Variants in PIWIL3 observed in about 807,000 individuals in gnomAD.
PIWIL3 encodes the protein piwi like RNA-mediated gene silencing 3, also known as piwi-like protein 3.
A neutral mutation model predicts 109.7 loss-of-function variants in PIWIL3; 101 were observed. The ratio of observed to expected loss-of-function variants is 0.92; its 90% CI spans 0.78 to 1.09. The LOEUF (loss-of-function observed/expected upper bound fraction) is 1.09. PIWIL3 is among the 50% of genes least tolerant of loss of function. The pLI, the probability that PIWIL3 is intolerant of heterozygous loss-of-function variation, is 0.00. For synonymous variants in PIWIL3, 373 were observed against 376.4 expected, an observed-to-expected ratio of 0.99 and a Z score of 0.10; for missense variants, 1,031 against 1,072.6, an observed-to-expected ratio of 0.96 and a Z score of 0.54.
rs772874150 is a variant in PIWIL3 at position 24,756,571 on chromosome 22, C to G, written c.490G>C (p.Asp164His). 6.2e-7 allele frequency: 1 copy of G among 1,614,084 alleles called. No homozygotes were observed. The highest frequency in any genetic ancestry group is 1.1e-5 in the South Asian group (1 of 91,062). ...TCTCCAAATTTCCTTCTATGTTGAT[C>G]AAGTAAAATTGTACGGAGATTTCCA... ...EDGNLRTILL[D>H]QHRRKFGERH... The change falls in exon 5 of 21, where the codon GAT becomes CAT. Residue 164 changes from aspartate to histidine, a missense_variant. Coordinates refer to ENST00000616349, the MANE Select transcript of PIWIL3 (RefSeq NM_001255975.1).
At chr22:24,753,899 C>G in intron 8 of PIWIL3, 115 bp downstream of exon 8, 1 of 868,626 alleles carries the variant, frequency 1.2e-6, no homozygotes. Flanking sequence ...GTTGTTCTTG[C>G]AATTTCTACT....
At chr22:24,728,534 G>C (rs1569097478) in intron 14 of PIWIL3, 160 bp from the exon 15 acceptor site, 10 of 598,528 alleles carry the variant, frequency 1.7e-5, no homozygotes, top group Non-Finnish European at 2.5e-5. Context: ...CTAGAGCCAT[G>C]TTATTAATTA....
rs757375526 is a variant in PIWIL3, at chr22:24,725,425, G to A, written c.2080+20C>T. ...CTACTTGTATAGTGTCGGGTTCCCC[G>A]ACCGCTACAAGACACTGACCTTTCA... is the stretch of plus-strand genomic sequence containing the variant. On this transcript the variant is annotated intron_variant, in intron 17 of 20. Coordinates refer to ENST00000616349, the MANE Select transcript of PIWIL3 (RefSeq NM_001255975.1). 5.0e-6 allele frequency: 8 copies of A among 1,612,382 alleles called. No individual in the cohort carries two copies. The highest frequency in any genetic ancestry group is 1.6e-4 in the Middle Eastern group (1 of 6,082).
At chr22:24,728,919 A>G (rs1289011031) in intron 14 of PIWIL3, among the ~76,000 whole-genome samples, 2 of 152,176 alleles carry the variant, frequency 1.3e-5, no homozygotes, top group Non-Finnish European at 2.9e-5. Flanking sequence ...AAAAAACAAA[A>G]AACAGTTAAG....
At chr22:24,736,192 A>G (rs981844312) in intron 12 of PIWIL3, among the ~76,000 whole-genome samples, 2 of 152,216 alleles carry the variant, frequency 1.3e-5, no homozygotes, top group African/African-American at 2.4e-5. Flanking sequence ...GACTTTACCA[A>G]TCAGAAACTT....
intron 6 of PIWIL3, among the ~76,000 whole-genome samples, chr22:24,755,386 G>A (rs1255838072): frequency 6.6e-6 from 1 of 152,246 alleles, no homozygotes; most frequent in South Asian, 2.1e-4. Context: ...GCCTCCCAAA[G>A]TGCTGGGATT....
intron 9 of PIWIL3, among the ~76,000 whole-genome samples, chr22:24,750,872 C>T (rs1924667069): frequency 6.6e-6 from 1 of 150,728 alleles, no homozygotes; most frequent in Non-Finnish European, 1.5e-5. Flanking sequence ...GCCTGTAATC[C>T]CAGCACTTCG....
intron 14 of PIWIL3, among the ~76,000 whole-genome samples, chr22:24,733,239 A>G (rs1923462297): frequency 6.6e-6 from 1 of 152,132 alleles, no homozygotes; most frequent in South Asian, 2.1e-4. Flanking sequence ...TCCCACCTCT[A>G]CCCCTCAAGA....
intron 1 of PIWIL3, among the ~76,000 whole-genome samples, chr22:24,771,400 C>G (rs531747985): frequency 6.6e-6 from 1 of 151,266 alleles, no homozygotes; most frequent in Admixed American, 6.6e-5. Context: ...ATGGCGTGAA[C>G]CTGGGAGGAG....
At chr22:24,739,486 G>T (rs532131425) in intron 12 of PIWIL3, among the ~76,000 whole-genome samples, 1 of 152,190 alleles carries the variant, frequency 6.6e-6, no homozygotes, top group East Asian at 1.9e-4. Flanking sequence ...AATACATCTG[G>T]CAGCAGACTT....
intron 12 of PIWIL3, among the ~76,000 whole-genome samples, chr22:24,747,587 A>C (rs1453388770): frequency 1.3e-5 from 2 of 152,196 alleles, no homozygotes; most frequent in Non-Finnish European, 2.9e-5. Flanking sequence ...TAAGGAAAGC[A>C]AACAACTTTA....
chr22:24,749,420 T>A lies in PIWIL3; in HGVS notation c.1318A>T (p.Ile440Phe). Residue 440 changes from isoleucine to phenylalanine, a missense_variant, in exon 11 of 21, where the codon ATC becomes TTC. By Grantham distance (21) the Ile-to-Phe change is conservative. Coordinates refer to ENST00000616349, the MANE Select transcript of PIWIL3 (RefSeq NM_001255975.1). The stretch of plus-strand genomic sequence containing the variant: ...AGCACTTACTCTTGTAGAGTATTGA[T>A]GAATTCTTTTAATGTATGATGCCTT... Reference protein sequence around the residue: ...RRRHHTLKEFINTLQDNKKVR... With the variant: ...RRRHHTLKEFFNTLQDNKKVR... 3.7e-6 allele frequency: 6 copies of A among 1,613,968 alleles called. No homozygotes were observed. Among genetic ancestry groups the A allele is most frequent in the Non-Finnish European group, 3.4e-6 (4 of 1,179,970 alleles).
chr22:24,720,003 T>A, intron 19 of PIWIL3, 108 bp from the exon 20 acceptor site: 13 of 930,796 alleles, frequency 1.4e-5, no homozygotes, highest in Non-Finnish European at 2.0e-5. Context: ...AAAAATCTAT[T>A]CTATAGATTA....
intron 5 of PIWIL3, 112 bp downstream of exon 5, chr22:24,756,379 A>C: frequency 9.8e-7 from 1 of 1,023,728 alleles, no homozygotes; most frequent in South Asian, 1.7e-5. Flanking sequence ...TATGGGCAAG[A>C]GAGCCTTGGG....
At chr22:24,771,584 T>G (rs1301413070) in intron 1 of PIWIL3, among the ~76,000 whole-genome samples, 1 of 152,190 alleles carries the variant, frequency 6.6e-6, no homozygotes, top group Non-Finnish European at 1.5e-5. Flanking sequence ...TACATTAAGA[T>G]GGCCTTTCTT....
chr22:24,728,673 T>G (rs1923144229), intron 14 of PIWIL3, among the ~76,000 whole-genome samples: 1 of 152,194 alleles, frequency 6.6e-6, no homozygotes, highest in African/African-American at 2.4e-5. Context: ...TAACATTAAA[T>G]TGTTATAAGT....
chr22:24,737,648 T>C (rs964954139), intron 12 of PIWIL3, among the ~76,000 whole-genome samples: 1 of 152,064 alleles, frequency 6.6e-6, no homozygotes. Context: ...GCTTTTGGGG[T>C]CCCCAATCCC....
At chr22:24,760,526 G>GC (rs1569110870) in intron 2 of PIWIL3, among the ~76,000 whole-genome samples, 1 of 151,930 alleles carries the variant, frequency 6.6e-6, no homozygotes, top group African/African-American at 2.4e-5. Context: ...AGTGGCTCAC[G>GC]CCTGTAATCC....
chr22:24,720,294 C>T (rs1470644157), intron 19 of PIWIL3, among the ~76,000 whole-genome samples: 4 of 103,218 alleles, frequency 3.9e-5, no homozygotes, highest in Admixed American at 2.3e-4. Flanking sequence ...TTTTTTTAGA[C>T]GGAGTCTGGC....
Sources: allele counts gnomAD v4.1 joint callset (sites outside exome capture counted in the v4.1 genomes callset), GRCh38; gene constraint gnomAD v4.1.1; transcripts MANE v1.5; gene names NCBI Gene and HGNC (gene_info 2026-07-23, HGNC 2026-07-21).